Variants in KLKB1 observed in about 807,000 individuals in gnomAD.
The protein encoded by KLKB1 is kallikrein B1.
Under a neutral mutation model 73.6 loss-of-function variants are expected in KLKB1, and 58 were observed. The ratio of observed to expected loss-of-function variants is 0.79; its 90% CI spans 0.64 to 0.98. The LOEUF is 0.98. KLKB1 is among the 50% of genes least tolerant of loss of function. The pLI is 0.00. For missense variants in KLKB1, 737 were observed against 763.8 expected (o/e 0.96, Z 0.41); for synonymous variants, 280 against 258.1 (o/e 1.08, Z -0.81).
chr4:186,213,325 A>C (rs906394777), intron 2 of KLKB1: 3 of 152,358 alleles, frequency 2.0e-5, no homozygotes, highest in African/African-American at 7.2e-5. Context: ...CTCAAGAAAA[A>C]TAAATTCTAT....
At chr4:186,244,788 A>G (rs1267995924) in intron 6 of KLKB1, among the ~76,000 whole-genome samples, 3 of 152,214 alleles carry the variant, frequency 2.0e-5, no homozygotes, top group Non-Finnish European at 2.9e-5. Context: ...ATAGGCTTCA[A>G]AAGGCCACGC....
intron 5 of KLKB1, among the ~76,000 whole-genome samples, chr4:186,237,644 G>A (rs1356381991): frequency 2.0e-5 from 3 of 152,066 alleles, no homozygotes; most frequent in Non-Finnish European, 4.4e-5. Context: ...ATTAACTTGT[G>A]ATTTTTTTCC....
chr4:186,230,323 A>G (rs1737332706), intron 2 of KLKB1, among the ~76,000 whole-genome samples: 3 of 152,208 alleles, frequency 2.0e-5, no homozygotes, highest in Admixed American at 6.5e-5. Flanking sequence ...CCATTTTCAT[A>G]TACTTACTAA....
In KLKB1 at chr4:186,251,482, CA is replaced by C; in HGVS notation, c.869-4del. ...GATATCTTTTTGTGTTTATAATTGACACAGAACCCTGCCATTCTAAAATTTA... is the reference window on the plus strand; with the variant it reads ...GATATCTTTTTGTGTTTATAATTGACCAGAACCCTGCCATTCTAAAATTTA... On this transcript the variant is annotated splice_region_variant and splice_polypyrimidine_tract_variant and intron_variant, in intron 8 of 14. Coordinates refer to ENST00000264690, the MANE Select transcript of KLKB1 (RefSeq NM_000892.5). 1 of 1,613,018 alleles carries C rather than the reference CA, an allele frequency of 6.2e-7. No homozygotes were observed. Among genetic ancestry groups the C allele is most frequent in the South Asian group, 1.1e-5 (1 of 91,060 alleles).
intron 6 of KLKB1, among the ~76,000 whole-genome samples, chr4:186,240,937 G>A (rs948472678): frequency 2.0e-5 from 3 of 152,148 alleles, no homozygotes; most frequent in African/African-American, 7.2e-5. Flanking sequence ...CTGTGGCTCT[G>A]GGCTGTCACA....
chr4:186,247,503 C>T (rs1000364952), intron 6 of KLKB1, among the ~76,000 whole-genome samples: 1 of 152,120 alleles, frequency 6.6e-6, no homozygotes, highest in East Asian at 1.9e-4. Context: ...AGGAACCGGC[C>T]ATTTTCACTT....
intron 6 of KLKB1, among the ~76,000 whole-genome samples, chr4:186,248,595 A>ATT (rs138717531): frequency 0.15 from 17,378 of 114,698 alleles, 1,562 homozygotes; most frequent in Middle Eastern, 0.24. Flanking sequence ...TTGTTTCTGG[A>ATT]TTTTTTTTTT....
chr4:186,221,342 GT>G (rs1016111523), intron 2 of KLKB1, among the ~76,000 whole-genome samples: 38 of 142,978 alleles, frequency 2.7e-4, no homozygotes, highest in South Asian at 4.5e-4. Flanking sequence ...TTTGGGCTTA[GT>G]TTTTTTTTTT....
intron 6 of KLKB1, among the ~76,000 whole-genome samples, chr4:186,239,216 G>A (rs1185017025): frequency 7.5e-6 from 1 of 133,850 alleles, no homozygotes; most frequent in Non-Finnish European, 1.6e-5. Context: ...AACTAGTACA[G>A]TGATACTGTT....
At chr4:186,235,858 G>T (rs1737638220) in intron 4 of KLKB1, among the ~76,000 whole-genome samples, 1 of 152,024 alleles carries the variant, frequency 6.6e-6, no homozygotes, top group Non-Finnish European at 1.5e-5. Context: ...GCTCACGCCT[G>T]TAATCCCAGC....
upstream of KLKB1, among the ~76,000 whole-genome samples, chr4:186,221,805 A>G (rs1737038597): frequency 6.6e-6 from 1 of 152,184 alleles, no homozygotes; most frequent in South Asian, 2.1e-4. Flanking sequence ...CGTTAGGTCT[A>G]TTGGTTTATA....
chr4:186,240,661 C>A (rs1737985332), intron 6 of KLKB1, among the ~76,000 whole-genome samples: 2 of 152,124 alleles, frequency 1.3e-5, no homozygotes, highest in African/African-American at 2.4e-5. Flanking sequence ...GGGTGCTGGG[C>A]TAGGATTTCC....
rs560688218 is a variant in KLKB1 at position 186,252,136 on chromosome 4, T to C, written c.1264T>C (p.Ser422Pro). The C allele has an allele frequency of 5.0e-6, 8 of 1,613,784 alleles. 1 individual carries two copies. The South Asian group carries it at 8.8e-5, about 18-fold the overall frequency. ...AGCTCAGAGGCACCTGTGTGGAGGG[T>C]CACTCATAGGACACCAGTGGGTCCT... ...LTAQRHLCGG[S>P]LIGHQWVLTA... The change falls in exon 11 of 15, where the codon TCA (serine) becomes CCA (proline). Residue 422 changes from serine (S) to proline (P), a missense_variant. Coordinates refer to ENST00000264690, the MANE Select transcript of KLKB1 (RefSeq NM_000892.5).
intron 2 of KLKB1, among the ~76,000 whole-genome samples, chr4:186,216,476 C>A (rs1482561096): frequency 6.6e-6 from 1 of 152,048 alleles, no homozygotes; most frequent in African/African-American, 2.4e-5. Flanking sequence ...ATGGAAGGTG[C>A]CTTTTCAGAT....
intron 12 of KLKB1, 39 bp downstream of exon 12, chr4:186,254,802 G>A (rs774002760): frequency 4.3e-5 from 66 of 1,541,508 alleles, no homozygotes; most frequent in South Asian, 3.7e-4. Flanking sequence ...GCAGAATTGC[G>A]CTGGTTGATA....
intron 6 of KLKB1, among the ~76,000 whole-genome samples, chr4:186,246,160 A>G (rs1277069724): frequency 6.6e-6 from 1 of 151,790 alleles, no homozygotes; most frequent in African/African-American, 2.4e-5. Context: ...TGATAGAAGG[A>G]TTATAGGGTG....
At chr4:186,257,742 TGA>T (rs962391657) in intron 14 of KLKB1, among the ~76,000 whole-genome samples, 4 of 112,916 alleles carry the variant, frequency 3.5e-5, no homozygotes, top group East Asian at 2.6e-4. Context: ...TAAGAAAGAG[TGA>T]GTGTGTGTGT....
At chr4:186,216,360 G>A (rs142604880) in intron 2 of KLKB1, among the ~76,000 whole-genome samples, 96 of 152,328 alleles carry the variant, frequency 6.3e-4, no homozygotes, top group Middle Eastern at 3.4e-3. Flanking sequence ...GACAGTGGGC[G>A]TCTGAAAAAC....
At chr4:186,237,545 G>A (rs1027183467) in intron 5 of KLKB1, among the ~76,000 whole-genome samples, 1 of 151,794 alleles carries the variant, frequency 6.6e-6, no homozygotes, top group African/African-American at 2.4e-5. Context: ...CTCAAATACC[G>A]TCCCCTCCAA....
Sources: gnomAD v4.1 joint callset for allele counts (sites outside exome capture counted in the v4.1 genomes callset) on GRCh38, gnomAD v4.1.1 for gene constraint, MANE v1.5 for transcripts, NCBI Gene and HGNC (gene_info 2026-07-23, HGNC 2026-07-21) for gene names.